The following TPP2 variants were observed in gnomAD, a reference collection of about 807,000 sequenced individuals.
The protein encoded by TPP2 is tripeptidyl peptidase 2.
Under a neutral mutation model 155.9 loss-of-function variants are expected in TPP2, and 34 were observed. That is an observed-to-expected ratio of 0.22 (90% CI 0.17 to 0.29). The LOEUF (loss-of-function observed/expected upper bound fraction) is 0.29. Ranked by LOEUF, TPP2 falls within the 10% of genes least tolerant of loss-of-function variation. The probability of loss-of-function intolerance (pLI) is 1.00; values close to 1 mark genes in which losing one functional copy is unlikely to be tolerated. For missense variants in TPP2, 1,028 were observed against 1,522.3 expected (o/e 0.68, Z 5.40); for synonymous variants, 510 against 529.4 (o/e 0.96, Z 0.50).
At chr13:102,597,250 G>C in intron 1 of TPP2, 47 bp downstream of exon 1, 1 of 1,126,706 alleles carries the variant, frequency 8.9e-7, no homozygotes, top group Non-Finnish European at 1.2e-6. Flanking sequence ...GGGCGGCCGG[G>C]GACGCGGGTG....
intron 14 of TPP2, 125 bp downstream of exon 14, chr13:102,637,364 GC>G (rs564602657): frequency 1.1e-4 from 109 of 1,018,590 alleles, no homozygotes; most frequent in Non-Finnish European, 1.4e-4. Context: ...CTATCCATCT[GC>G]CAGGTTATTC....
chr13:102,654,326 C>T (rs582767), intron 24 of TPP2, among the ~76,000 whole-genome samples: 75,371 of 151,980 alleles, frequency 0.5, 19,079 homozygotes, highest in African/African-American at 0.6. Context: ...ATATATTTAA[C>T]ATGTAAAATG....
chr13:102,667,946 C>T (rs1207064419), intron 27 of TPP2: 3 of 350,338 alleles, frequency 8.6e-6, no homozygotes, highest in African/African-American at 2.2e-5. Context: ...AGTTAGCAGT[C>T]CCCCTGAGCC....
chr13:102,597,277 G>A lies in TPP2; in HGVS notation c.165+74G>A, dbSNP rs562248621. ...ACGCGGGTGGGGACACAGTCTCGGA[G>A]CCCGGCAGGCCAAAGCCCCGCTCTG... On this transcript the variant is annotated intron_variant, in intron 1 of 29. Coordinates refer to ENST00000376052, the MANE Select transcript of TPP2 (RefSeq NM_001330588.2). 1.3e-4 allele frequency: 112 copies of A among 866,812 alleles called. No individual in the cohort carries two copies. In the East Asian group the frequency reaches 3.2e-3, roughly 24 times the overall value. The allele number at this position is 866,812 out of a possible 1,614,324, so 53.7% of individuals were successfully genotyped here.
intron 2 of TPP2, among the ~76,000 whole-genome samples, 158 bp from the exon 3 acceptor site, chr13:102,613,943 G>A (rs1273941734): frequency 1.3e-5 from 2 of 152,194 alleles, no homozygotes; most frequent in Non-Finnish European, 2.9e-5. Flanking sequence ...AAGACATTAA[G>A]TAACTACTTA....
intron 5 of TPP2, among the ~76,000 whole-genome samples, chr13:102,620,727 G>T (rs182252653): frequency 1.9e-4 from 29 of 152,302 alleles, no homozygotes; most frequent in Admixed American, 5.9e-4. Context: ...TCTGTTCTGA[G>T]CATCTGTCAG....
chr13:102,602,588 A>G (rs1879510017), intron 1 of TPP2, among the ~76,000 whole-genome samples: 1 of 152,174 alleles, frequency 6.6e-6, no homozygotes, highest in Non-Finnish European at 1.5e-5. Flanking sequence ...GGGGTCCACC[A>G]ACCACCCATT....
At chr13:102,649,756 A>G (rs1379191053) in intron 23 of TPP2, among the ~76,000 whole-genome samples, 1 of 151,762 alleles carries the variant, frequency 6.6e-6, no homozygotes, top group Non-Finnish European at 1.5e-5. Context: ...TACGGCTAAT[A>G]CACTTGAACT....
chr13:102,630,233 CG>C (rs368479426), intron 10 of TPP2, 38 bp downstream of exon 10: 2 of 1,505,054 alleles, frequency 1.3e-6, no homozygotes, highest in African/African-American at 2.8e-5. Context: ...TACGTATATT[CG>C]GTTAAACTTT....
intron 12 of TPP2, 118 bp from the exon 13 acceptor site, chr13:102,636,106 G>A: frequency 1.0e-6 from 1 of 1,002,584 alleles, no homozygotes; most frequent in Non-Finnish European, 1.4e-6. Flanking sequence ...AGTTTTGAGA[G>A]GTGAATATAG....
intron 21 of TPP2, among the ~76,000 whole-genome samples, chr13:102,648,348 G>A (rs1404753890): frequency 1.3e-5 from 2 of 152,086 alleles, no homozygotes; most frequent in East Asian, 3.9e-4. Context: ...CCAGTTAACA[G>A]CCACTGCACT....
In TPP2 at chr13:102,644,662, C is replaced by G; in HGVS notation, c.2281C>G (p.Gln761Glu). The change falls in exon 18 of 30, where the codon CAG (glutamine) becomes GAG (glutamate). Residue 761 changes from glutamine to glutamate, a missense_variant. Coordinates refer to ENST00000376052, the MANE Select transcript of TPP2 (RefSeq NM_001330588.2). Reference protein sequence around the residue: ...SFHGIVCTAPQLNIHASEGIN... With the variant: ...SFHGIVCTAPELNIHASEGIN... Reference sequence around the variant, plus strand: ...CCATGGGATAGTGTGTACTGCTCCTCAGTTAAACATTGTAAGTTCCACAAC... The same window carrying G: ...CCATGGGATAGTGTGTACTGCTCCTGAGTTAAACATTGTAAGTTCCACAAC... 6.2e-7 allele frequency: 1 copy of G among 1,601,140 alleles called. No individual in the cohort carries two copies. The highest frequency in any genetic ancestry group is 8.5e-7 in the Non-Finnish European group (1 of 1,175,716).
intron 1 of TPP2, among the ~76,000 whole-genome samples, chr13:102,601,378 C>G (rs997764874): frequency 6.6e-6 from 1 of 152,154 alleles, no homozygotes; most frequent in African/African-American, 2.4e-5. Flanking sequence ...CTGGTCCTCT[C>G]TGCAAATGTC....
At chr13:102,626,902 A>G (rs193093143) in intron 6 of TPP2, 110 bp from the exon 7 acceptor site, 1 of 1,146,164 alleles carries the variant, frequency 8.7e-7, no homozygotes, top group East Asian at 2.8e-5. Flanking sequence ...TGAACAGGGT[A>G]GCAGAGTAAT....
rs1882218541 is a variant in TPP2 at position 102,634,245 on chromosome 13, T to C, written c.1393+147T>C. ...TAACGAATAACTTATGTGATAATGA[T>C]AATTTGAATGTGTGTTTATTCAGCA... On this transcript the variant is annotated intron_variant, in intron 11 of 29. Transcript: ENST00000376052. 8.0e-6 allele frequency: 9 copies of C among 1,130,048 alleles called. No homozygotes were observed. The South Asian group carries it at 1.4e-4, about 18-fold the overall frequency. 70.0% of individuals were successfully genotyped at this position (1,130,048 alleles called of 1,614,324 possible).
At chr13:102,647,561 A>G (rs593670) in intron 21 of TPP2, among the ~76,000 whole-genome samples, 75,379 of 152,016 alleles carry the variant, frequency 0.5, 19,089 homozygotes, top group African/African-American at 0.6. Context: ...GAATTAGAGG[A>G]GGACAAGGGT....
At chr13:102,624,527 G>A (rs1342895136) in intron 6 of TPP2, among the ~76,000 whole-genome samples, 1 of 152,040 alleles carries the variant, frequency 6.6e-6, no homozygotes. Context: ...CCCACATCCC[G>A]GGGAACCACT....
At chr13:102,621,903 A>C (rs557186630) in intron 5 of TPP2, among the ~76,000 whole-genome samples, 1 of 152,154 alleles carries the variant, frequency 6.6e-6, no homozygotes, top group Admixed American at 6.5e-5. Flanking sequence ...TTTACCCACT[A>C]ATCTCAAGCC....
intron 29 of TPP2, among the ~76,000 whole-genome samples, chr13:102,676,734 G>C (rs183771298): frequency 6.6e-6 from 1 of 152,162 alleles, no homozygotes; most frequent in Non-Finnish European, 1.5e-5. Context: ...CCTTTTAAAG[G>C]CATGTTGCCT....
Sources: allele counts gnomAD v4.1 joint callset (sites outside exome capture counted in the v4.1 genomes callset), GRCh38; gene constraint gnomAD v4.1.1; transcripts MANE v1.5; gene names NCBI Gene and HGNC (gene_info 2026-07-23, HGNC 2026-07-21).